TTLL7: variants seen among roughly 807,000 people sequenced by gnomAD.
TTLL7 encodes tubulin tyrosine ligase like 7.
A neutral mutation model predicts 120.2 loss-of-function variants in TTLL7; 53 were observed. The ratio of observed to expected loss-of-function variants is 0.44; its 90% CI spans 0.35 to 0.55. TTLL7 has a LOEUF of 0.55. TTLL7 is among the 20% of genes least tolerant of loss of function. The probability of loss-of-function intolerance (pLI) is 0.00; values close to 1 mark genes in which losing one functional copy is unlikely to be tolerated. For missense variants in TTLL7, 803 were observed against 1,054.7 expected (o/e 0.76, Z 3.31); for synonymous variants, 353 against 351.7 (o/e 1.00, Z -0.04).
intron 4 of TTLL7, 93 bp downstream of exon 4, chr1:83,949,772 A>G: frequency 2.8e-6 from 4 of 1,417,338 alleles, no homozygotes; most frequent in South Asian, 2.5e-5. Flanking sequence ...CTGAAATGTA[A>G]TAAGGCAACA....
At chr1:83,891,063 G>A (rs1655422907) in intron 18 of TTLL7, among the ~76,000 whole-genome samples, 1 of 151,778 alleles carries the variant, frequency 6.6e-6, no homozygotes, top group Admixed American at 6.6e-5. Flanking sequence ...TGGACCATGG[G>A]CTAGAAAAAT....
At chr1:83,918,262 A>G in intron 13 of TTLL7, among the ~76,000 whole-genome samples, 1 of 152,140 alleles carries the variant, frequency 6.6e-6, no homozygotes, top group East Asian at 1.9e-4. Context: ...AGGTAGCAAA[A>G]AGCCACAAGT....
At chr1:83,934,358 G>T (rs747768037) in intron 8 of TTLL7, among the ~76,000 whole-genome samples, 1 of 152,166 alleles carries the variant, frequency 6.6e-6, no homozygotes, top group Non-Finnish European at 1.5e-5. Context: ...AGAGATGAGG[G>T]TGACAGGAAG....
In TTLL7 at chr1:83,998,955, G is replaced by C. The variant is rs769605303; in HGVS notation, c.-201C>G. 1 of 431,448 alleles carries C rather than the reference G, an allele frequency of 2.3e-6. No individual in the cohort carries two copies. Among genetic ancestry groups the C allele is most frequent in the Non-Finnish European group, 4.6e-6 (1 of 216,404 alleles). 26.7% of individuals were successfully genotyped at this position (431,448 alleles called of 1,614,324 possible). ...CCCGGGTGAGGAAAGCCCAGCCCGG[G>C]TCCTCGCGTCCCCGCTGCAAGCGGT... On this transcript the variant is annotated 5_prime_UTR_variant, in exon 1 of 21. Transcript: ENST00000260505.
intron 1 of TTLL7, among the ~76,000 whole-genome samples, chr1:83,967,105 G>A (rs1345722156): frequency 6.6e-6 from 1 of 152,046 alleles, no homozygotes; most frequent in Non-Finnish European, 1.5e-5. Context: ...CTTTCAACAT[G>A]TATAAAATAA....
chr1:83,921,123 C>T lies in TTLL7; in HGVS notation c.1328G>A (p.Arg443Gln), dbSNP rs995284827. 12 of 1,613,168 alleles carry T rather than the reference C, an allele frequency of 7.4e-6. No homozygotes were observed. The East Asian group carries it at 8.9e-5, about 12-fold the overall frequency. The part of the protein sequence containing the change: ...RLAQVRKQIS[R>Q]EEHENRHMGN... ...CATATGTCGATTTTCATGTTCTTCT[C>T]GTGAGATCTGCTTTCGTACTTGAGC... Residue 443 changes from arginine (R) to glutamine (Q), a missense_variant, in exon 12 of 21, where the codon CGA becomes CAA. Coordinates refer to ENST00000260505, the MANE Select transcript of TTLL7 (RefSeq NM_024686.6).
At chr1:83,926,036 G>A (rs1393112780) in intron 10 of TTLL7, among the ~76,000 whole-genome samples, 1 of 151,004 alleles carries the variant, frequency 6.6e-6, no homozygotes, top group Non-Finnish European at 1.5e-5. Flanking sequence ...CAGGAGAATC[G>A]CTTGAACCTG....
In TTLL7 at chr1:83,949,874, T is replaced by C. The variant is rs1648878585; in HGVS notation, c.270A>G (p.Gln90=). 6.2e-7 allele frequency: 1 copy of C among 1,613,450 alleles called. No individual in the cohort carries two copies. The highest frequency in any genetic ancestry group is 1.1e-5 in the South Asian group (1 of 90,890). The change falls in exon 4 of 21, where the codon CAA becomes CAG. Residue 90 remains glutamine (Q), a synonymous_variant. Coordinates refer to ENST00000260505, the MANE Select transcript of TTLL7 (RefSeq NM_024686.6). ...AVQQEKISEL[Q]NYQRINHFPG... is the part of the protein sequence containing the mutation. ...ATGATTAATTTCCTACCTGATAATT[T>C]TGCAGCTCTGAAATTTTCTCCTGCT...
chr1:83,944,656 C>G (rs1648301653), intron 6 of TTLL7, among the ~76,000 whole-genome samples: 1 of 152,272 alleles, frequency 6.6e-6, no homozygotes, highest in South Asian at 2.1e-4. Flanking sequence ...TGCCGTGAGC[C>G]AAGATCATGC....
At chr1:83,944,538 T>A (rs1648288069) in intron 6 of TTLL7, among the ~76,000 whole-genome samples, 1 of 151,902 alleles carries the variant, frequency 6.6e-6, no homozygotes, top group South Asian at 2.1e-4. Flanking sequence ...GAAAACCCCA[T>A]CTCTACTAAA....
At chr1:83,964,695 A>G (rs1367553525) in intron 1 of TTLL7, among the ~76,000 whole-genome samples, 1 of 152,168 alleles carries the variant, frequency 6.6e-6, no homozygotes, top group East Asian at 1.9e-4. Context: ...TCACAGCTCC[A>G]AAATTACCTG....
At chr1:83,891,101 C>T (rs779734943) in intron 18 of TTLL7, among the ~76,000 whole-genome samples, 43 of 151,602 alleles carry the variant, frequency 2.8e-4, no homozygotes, top group Non-Finnish European at 8.8e-5. Context: ...AAGCTATGGA[C>T]CATAAAAGAT....
intron 14 of TTLL7, chr1:83,913,037 G>A (rs1258197673): frequency 3.3e-5 from 5 of 151,982 alleles, no homozygotes; most frequent in Admixed American, 6.6e-5. Flanking sequence ...TGAGTTATTC[G>A]ACCCTATAAA....
chr1:83,972,612 G>C (rs1392441580), intron 1 of TTLL7, among the ~76,000 whole-genome samples: 5 of 152,070 alleles, frequency 3.3e-5, no homozygotes, highest in Non-Finnish European at 5.9e-5. Flanking sequence ...TAAATACCAA[G>C]GAATGTGATA....
In TTLL7 at chr1:83,890,373, G is replaced by A. The variant is rs1191689608; in HGVS notation, c.2317C>T (p.Arg773Cys). The A allele has an allele frequency of 1.5e-5, 25 of 1,613,324 alleles. 1 individual carries two copies. The highest frequency in any genetic ancestry group is 2.0e-5 in the Non-Finnish European group (24 of 1,179,560). The stretch of plus-strand genomic sequence containing the variant: ...CCTTGGCCACGACTCCAGAGTAAGC[G>A]ATTAAAAACCCGGTTGAAAATCCGA... ...LYRIFNRVFN[R>C]LLWSRGQGLW... The change falls in exon 19 of 21, where the codon CGC becomes TGC. Residue 773 changes from arginine to cysteine, a missense_variant. By Grantham distance (180) the Arg-to-Cys change is radical. Transcript: ENST00000260505.
rs1657000487 is a variant in TTLL7, at chr1:83,904,285, C to CA, written c.2128-127dup. On this transcript the variant is annotated intron_variant, in intron 17 of 20. Coordinates refer to ENST00000260505, the MANE Select transcript of TTLL7 (RefSeq NM_024686.6). ...GCCAACTTTCATAAAAACACATGTG[C>CA]AAAGATTTCTAATACAAATTAAAGA... 3 of 660,772 alleles carry CA rather than the reference C, an allele frequency of 4.5e-6. No individual in the cohort carries two copies. The African/African-American group carries it at 5.6e-5, about 12-fold the overall frequency. The allele number at this position is 660,772 out of a possible 1,614,324, so 40.9% of individuals were successfully genotyped here. A position where few individuals can be genotyped will look rare whatever the true frequency, so the allele number is the denominator to read the frequency against.
intron 1 of TTLL7, among the ~76,000 whole-genome samples, chr1:83,981,868 T>G (rs1652000641): frequency 2.0e-5 from 3 of 151,830 alleles, no homozygotes; most frequent in Admixed American, 2.0e-4. Flanking sequence ...AGCTGGGGAT[T>G]TCAATACCCC....
chr1:83,868,964 ATTT>A lies in TTLL7; in HGVS notation c.*995_*997del, dbSNP rs1373233002. 3 of 147,956 alleles carry A rather than the reference ATTT, an allele frequency of 2.0e-5. No homozygotes were observed. Among genetic ancestry groups the A allele is most frequent in the African/African-American group, 4.9e-5 (2 of 40,436 alleles). The allele number at this position is 147,956 out of a possible 1,614,324, so 9.2% of individuals were successfully genotyped here. A position where few individuals can be genotyped will look rare whatever the true frequency, so the allele number is the denominator to read the frequency against. On this transcript the variant is annotated 3_prime_UTR_variant, in exon 21 of 21. Transcript: ENST00000260505. ...TTATCTTCTTTTTATTTATTTATTTATTTTATTTTATTATTATTTTTTTTTTTT... is the reference window on the plus strand; with the variant it reads ...TTATCTTCTTTTTATTTATTTATTTATATTTTATTATTATTTTTTTTTTTT...
chr1:83,970,695 A>G (rs919634097), intron 1 of TTLL7, among the ~76,000 whole-genome samples: 1 of 152,124 alleles, frequency 6.6e-6, no homozygotes, highest in African/African-American at 2.4e-5. Context: ...AAGAGCTCTT[A>G]GTTTGAGGCC....
Sources: gnomAD v4.1 joint callset for allele counts (sites outside exome capture counted in the v4.1 genomes callset) on GRCh38, gnomAD v4.1.1 for gene constraint, MANE v1.5 for transcripts, NCBI Gene and HGNC (gene_info 2026-07-23, HGNC 2026-07-21) for gene names.